The following EYS variants were observed in gnomAD, a reference collection of about 807,000 sequenced individuals.
EYS encodes EGF-like photoreceptor maintenance factor, also known as protein eyes shut homolog.
In EYS, 250 loss-of-function variants were observed where a neutral mutation model predicts 282.1. That is an observed-to-expected ratio of 0.89 (90% CI 0.80 to 0.98). The LOEUF (loss-of-function observed/expected upper bound fraction) is 0.98, where lower values mean the gene tolerates loss of function less well. EYS is among the 50% of genes least tolerant of loss of function. The probability of loss-of-function intolerance (pLI) is 0.00; values close to 1 mark genes in which losing one functional copy is unlikely to be tolerated. For missense variants in EYS, 4,016 were observed against 3,709.0 expected, an observed-to-expected ratio of 1.08 and a Z score of -2.15; for synonymous variants, 1,355 against 1,282.9, an observed-to-expected ratio of 1.06 and a Z score of -1.20.
intron 31 of EYS, among the ~76,000 whole-genome samples, chr6:64,106,891 G>A (rs1327214336): frequency 6.8e-6 from 1 of 146,772 alleles, no homozygotes; most frequent in Admixed American, 6.8e-5. Flanking sequence ...TTGTTTTTCA[G>A]TTTTAGGATT....
At chr6:64,636,117 A>G (rs1039283326) in intron 22 of EYS, among the ~76,000 whole-genome samples, 1 of 152,202 alleles carries the variant, frequency 6.6e-6, no homozygotes, top group Non-Finnish European at 1.5e-5. Flanking sequence ...ACCAAAAAAG[A>G]GCCTGCATCA....
intron 22 of EYS, among the ~76,000 whole-genome samples, chr6:64,643,077 T>G (rs950616490): frequency 1.3e-5 from 2 of 150,348 alleles, no homozygotes; most frequent in Non-Finnish European, 2.9e-5. Context: ...ATCATGCCAT[T>G]GCACTCCAGC....
intron 12 of EYS, among the ~76,000 whole-genome samples, chr6:65,277,506 A>C (rs2150271611): frequency 6.6e-6 from 1 of 152,052 alleles, no homozygotes; most frequent in Non-Finnish European, 1.5e-5. Context: ...ATGTGAGGAT[A>C]CAAGGAGTCA....
At chr6:65,521,594 TA>T (rs1212942349) in intron 2 of EYS, among the ~76,000 whole-genome samples, 3 of 152,100 alleles carry the variant, frequency 2.0e-5, no homozygotes, top group African/African-American at 7.2e-5. Flanking sequence ...ACAGTTCATA[TA>T]AAAAAATCTA....
chr6:65,621,683 G>A (rs1190579053), intron 2 of EYS, among the ~76,000 whole-genome samples: 5 of 151,970 alleles, frequency 3.3e-5, no homozygotes, highest in East Asian at 3.9e-4. Flanking sequence ...ATTTTGCAGC[G>A]GCTGGTATTG....
intron 24 of EYS, 34 bp from the exon 25 acceptor site, chr6:64,593,343 T>C (rs1582932686): frequency 4.7e-6 from 7 of 1,500,720 alleles, no homozygotes; most frequent in African/African-American, 1.4e-5. Context: ...TAAATTAAGC[T>C]CAGTTTCTTT....
At chr6:64,140,799 C>T (rs114731432) in intron 31 of EYS, among the ~76,000 whole-genome samples, 2,934 of 152,208 alleles carry the variant, frequency 0.019, 81 homozygotes, top group African/African-American at 0.066. Flanking sequence ...CGGCATTCCC[C>T]ACTCTCCTTT....
chr6:65,302,307 C>T (rs1337428140), intron 11 of EYS, among the ~76,000 whole-genome samples: 1 of 152,088 alleles, frequency 6.6e-6, no homozygotes, highest in Admixed American at 6.5e-5. Flanking sequence ...AGTGTTGGTT[C>T]GACCTACAGG....
chr6:65,252,455 C>T lies in EYS; in HGVS notation c.2023+43408G>A, dbSNP rs1372362701. ...TCAGGGAAGACATTGGAATTTGTGACCTGAAACTAAACAAATCAACTGCTT... is the reference window on the plus strand; with the variant it reads ...TCAGGGAAGACATTGGAATTTGTGATCTGAAACTAAACAAATCAACTGCTT... On this transcript the variant is annotated intron_variant, in intron 12 of 42. Transcript: ENST00000503581. Among the ~76,000 whole-genome samples the T allele has an allele frequency of 2.0e-5, 3 of 151,882 alleles. No homozygotes were observed. The East Asian group carries it at 5.8e-4, about 29-fold the overall frequency.
intron 13 of EYS, among the ~76,000 whole-genome samples, chr6:65,055,931 A>G (rs1205978361): frequency 6.6e-6 from 1 of 151,784 alleles, no homozygotes; most frequent in Non-Finnish European, 1.5e-5. Context: ...TACATGCCAT[A>G]CTCTTTGAAA....
chr6:65,605,821 T>C (rs999493026), intron 2 of EYS, among the ~76,000 whole-genome samples: 1 of 151,824 alleles, frequency 6.6e-6, no homozygotes, highest in African/African-American at 2.4e-5. Flanking sequence ...TGTATGTGTG[T>C]ATATATTTAT....
intron 2 of EYS, among the ~76,000 whole-genome samples, chr6:65,556,189 A>T (rs1768792960): frequency 6.6e-6 from 1 of 152,176 alleles, no homozygotes; most frequent in Non-Finnish European, 1.5e-5. Context: ...TAAACTCTTA[A>T]GTTGGGTGCA....
intron 33 of EYS, among the ~76,000 whole-genome samples, chr6:64,015,911 T>G (rs1281488338): frequency 6.6e-6 from 1 of 152,350 alleles, no homozygotes; most frequent in African/African-American, 2.4e-5. Flanking sequence ...AAGCTGGGAC[T>G]TCTTGGTTTC....
intron 29 of EYS, among the ~76,000 whole-genome samples, chr6:64,318,215 C>G (rs528741771): frequency 6.6e-5 from 10 of 152,012 alleles, no homozygotes; most frequent in African/African-American, 2.4e-4. Flanking sequence ...TCATTTCAAA[C>G]ATGTTGTCTT....
At chr6:64,408,234 G>A (rs1773786123) in intron 28 of EYS, among the ~76,000 whole-genome samples, 1 of 152,028 alleles carries the variant, frequency 6.6e-6, no homozygotes, top group Non-Finnish European at 1.5e-5. Context: ...TCATTACTAT[G>A]TGTTTGAAAC....
intron 12 of EYS, among the ~76,000 whole-genome samples, chr6:65,259,633 GGTTT>G (rs1379568468): frequency 2.0e-5 from 3 of 151,918 alleles, no homozygotes; most frequent in Admixed American, 6.6e-5. Flanking sequence ...CAAGATTATT[GGTTT>G]GTTTTGTTTG....
chr6:65,336,838 G>A (rs1264979764), intron 10 of EYS, among the ~76,000 whole-genome samples: 2 of 151,428 alleles, frequency 1.3e-5, no homozygotes. Context: ...TCACCTGATG[G>A]TTAGGTAAAC....
intron 22 of EYS, among the ~76,000 whole-genome samples, chr6:64,683,869 C>A (rs182967612): frequency 1.3e-5 from 2 of 152,252 alleles, no homozygotes; most frequent in East Asian, 3.9e-4. Flanking sequence ...CAGGCCTAAC[C>A]GCCTGACCAC....
Position 63,783,456 on chromosome 6 carries a change from C to T in EYS, c.7723+4649G>A, listed in dbSNP as rs1180664712. On this transcript the variant is annotated intron_variant, in intron 39 of 42. Coordinates refer to ENST00000503581, the MANE Select transcript of EYS (RefSeq NM_001142800.2). ...GAAAGATCTGGTGGTAACAACATGT[C>T]ACAAGCATGTATTATGTGAAAGCAC... 2.0e-5 allele frequency among the ~76,000 whole-genome samples: 3 copies of T among 152,198 alleles called. No homozygotes were observed. The South Asian group carries it at 6.2e-4, about 32-fold the overall frequency.
Sources: allele counts gnomAD v4.1 joint callset (sites outside exome capture counted in the v4.1 genomes callset), GRCh38; gene constraint gnomAD v4.1.1; transcripts MANE v1.5; gene names NCBI Gene and HGNC (gene_info 2026-07-23, HGNC 2026-07-21).